The following STPG2 variants were observed in gnomAD, a reference collection of about 807,000 sequenced individuals.
STPG2 encodes the protein sperm tail PG-rich repeat containing 2, also known as sperm-tail PG-rich repeat-containing protein 2.
A neutral mutation model predicts 54.2 loss-of-function variants in STPG2; 56 were observed. That is an observed-to-expected ratio of 1.03 (90% confidence interval 0.83 to 1.29). The LOEUF is 1.29. STPG2 is among the 50% of genes most tolerant of loss of function. The pLI is 0.00. For missense variants in STPG2, 596 were observed against 544.9 expected (o/e 1.09, Z -0.93); for synonymous variants, 200 against 181.8 (o/e 1.10, Z -0.81).
In STPG2 at chr4:97,633,922, C is replaced by G. The variant is rs1202035069; in HGVS notation, c.1321-74805G>C. ...CAGCAGCCAGGCTGGGGGAGGGGCG[C>G]CCACCATTGCCCAGGCTTGCTTAGG... On this transcript the variant is annotated intron_variant, in intron 10 of 10. Transcript: ENST00000295268. The G allele has an allele frequency of 2.6e-5, 4 of 154,142 alleles. No homozygotes were observed. In the Admixed American group the frequency reaches 2.6e-4, roughly 10 times the overall value. 9.5% of individuals were successfully genotyped at this position (154,142 alleles called of 1,614,324 possible). A position where few individuals can be genotyped will look rare whatever the true frequency, so the allele number is the denominator to read the frequency against.
intron 8 of STPG2, among the ~76,000 whole-genome samples, chr4:97,921,693 GA>G (rs1732114929): frequency 6.6e-6 from 1 of 151,930 alleles, no homozygotes; most frequent in African/African-American, 2.4e-5. Context: ...GGAGCAGAGA[GA>G]AAAAAAGGAT....
intron 5 of STPG2, among the ~76,000 whole-genome samples, chr4:98,005,169 G>A (rs1390472875): frequency 6.6e-6 from 1 of 152,116 alleles, no homozygotes; most frequent in Admixed American, 6.6e-5. Flanking sequence ...GACTCAGCAA[G>A]TCAAATCTTT....
At chr4:97,457,608 T>G (rs1729560968) in intron 4 of STPG2, among the ~76,000 whole-genome samples, 1 of 152,222 alleles carries the variant, frequency 6.6e-6, no homozygotes, top group Admixed American at 6.5e-5. Context: ...AATCACTGTT[T>G]GCTCAAAACA....
chr4:98,120,738 C>T (rs1250159702), intron 3 of STPG2, among the ~76,000 whole-genome samples: 2 of 152,114 alleles, frequency 1.3e-5, no homozygotes, highest in Non-Finnish European at 2.9e-5. Context: ...ATGTCCTTTG[C>T]CCCTTTTTTA....
At chr4:97,873,207 T>C (rs990094143) in intron 8 of STPG2, among the ~76,000 whole-genome samples, 1 of 151,252 alleles carries the variant, frequency 6.6e-6, no homozygotes, top group Admixed American at 6.6e-5. Context: ...CTTCTTTCCT[T>C]TTTTCCTTCC....
intron 5 of STPG2, among the ~76,000 whole-genome samples, chr4:97,981,997 G>A (rs189831945): frequency 0.013 from 1,959 of 150,702 alleles, 24 homozygotes; most frequent in Middle Eastern, 0.028. Flanking sequence ...CCATTTTCCC[G>A]CCTCAGTCTC....
intron 8 of STPG2, among the ~76,000 whole-genome samples, chr4:97,900,682 A>C (rs1731142470): frequency 6.6e-6 from 1 of 152,102 alleles, no homozygotes; most frequent in African/African-American, 2.4e-5. Flanking sequence ...ACAGAAAATC[A>C]AATACCACAT....
downstream of STPG2, among the ~76,000 whole-genome samples, chr4:97,558,030 A>T (rs1405382855): frequency 1.3e-5 from 2 of 152,234 alleles, no homozygotes; most frequent in Non-Finnish European, 2.9e-5. Context: ...AACAAGGAAT[A>T]GTTGTCACTT....
intron 5 of STPG2, among the ~76,000 whole-genome samples, chr4:97,981,902 T>C (rs35482884): frequency 0.26 from 38,358 of 147,890 alleles, 5,356 homozygotes; most frequent in Middle Eastern, 0.35. Flanking sequence ...TTTTTTTTTT[T>C]GAGACGGAGT....
intron 10 of STPG2, among the ~76,000 whole-genome samples, chr4:97,679,708 A>G (rs2148977540): frequency 1.3e-5 from 2 of 152,248 alleles, no homozygotes; most frequent in South Asian, 2.1e-4. Flanking sequence ...GCCCATGCCT[A>G]TGTCCTGATT....
intron 10 of STPG2, among the ~76,000 whole-genome samples, chr4:97,698,445 C>T (rs781532050): frequency 6.6e-6 from 1 of 152,146 alleles, no homozygotes; most frequent in Non-Finnish European, 1.5e-5. Context: ...GTAGGAGGAG[C>T]ACAAAGTGTC....
At chr4:97,496,802 G>C (rs750383531) in intron 4 of STPG2, among the ~76,000 whole-genome samples, 8 of 151,666 alleles carry the variant, frequency 5.3e-5, no homozygotes, top group Non-Finnish European at 7.4e-5. Flanking sequence ...CTTTGACTTT[G>C]CTGAAAGGTG....
intron 9 of STPG2, among the ~76,000 whole-genome samples, chr4:97,738,123 T>C (rs1434693192): frequency 1.3e-5 from 2 of 152,002 alleles, no homozygotes; most frequent in Non-Finnish European, 2.9e-5. Context: ...ACTTCATAAG[T>C]GAAGGAGAAA....
chr4:97,448,282 A>C (rs1334164573), intron 4 of STPG2, among the ~76,000 whole-genome samples: 2 of 152,124 alleles, frequency 1.3e-5, no homozygotes, highest in Non-Finnish European at 2.9e-5. Flanking sequence ...GCTAATGCTG[A>C]AGTAAGTGTT....
chr4:98,013,041 G>C (rs1304155073), intron 5 of STPG2, among the ~76,000 whole-genome samples: 4 of 152,288 alleles, frequency 2.6e-5, no homozygotes, highest in Non-Finnish European at 4.4e-5. Context: ...TTTTTAAAGG[G>C]AATGCCTCCA....
At chr4:97,917,453 T>C (rs1731923088) in intron 8 of STPG2, 1 of 152,136 alleles carries the variant, frequency 6.6e-6, no homozygotes, top group South Asian at 2.1e-4. Context: ...AGAGAACAAA[T>C]TGAGAAGATC....
chr4:97,444,403 A>C (rs1729166780), intron 4 of STPG2, among the ~76,000 whole-genome samples: 1 of 152,190 alleles, frequency 6.6e-6, no homozygotes, highest in Non-Finnish European at 1.5e-5. Context: ...AAAAGCAGTC[A>C]GATAAATAAA....
At chr4:97,963,120 T>C (rs924309266) in intron 7 of STPG2, among the ~76,000 whole-genome samples, 2 of 151,960 alleles carry the variant, frequency 1.3e-5, no homozygotes, top group African/African-American at 4.8e-5. Context: ...CATCGCACCA[T>C]TGTACTCCAG....
At chr4:98,049,059 T>C (rs966907320) in intron 5 of STPG2, 2 of 152,198 alleles carry the variant, frequency 1.3e-5, no homozygotes, top group East Asian at 1.9e-4. Flanking sequence ...ATGCCAAGAA[T>C]AGTAAATGAA....
Sources: allele counts gnomAD v4.1 joint callset (sites outside exome capture counted in the v4.1 genomes callset), GRCh38; gene constraint gnomAD v4.1.1; transcripts MANE v1.5; gene names NCBI Gene and HGNC (gene_info 2026-07-23, HGNC 2026-07-21).